Variants in TTC6 observed in about 807,000 individuals in gnomAD.
TTC6 encodes tetratricopeptide repeat domain 6, also known as tetratricopeptide repeat protein 6.
Under a neutral mutation model 210.4 loss-of-function variants are expected in TTC6, and 172 were observed. The ratio of observed to expected loss-of-function variants is 0.82; its 90% CI spans 0.72 to 0.93. The LOEUF (loss-of-function observed/expected upper bound fraction) is 0.93, where lower values mean the gene tolerates loss of function less well. Ranked by LOEUF, TTC6 falls within the 40% of genes least tolerant of loss-of-function variation. The probability of loss-of-function intolerance (pLI) is 0.00; values close to 1 mark genes in which losing one functional copy is unlikely to be tolerated. For missense variants in TTC6, 2,414 were observed against 2,318.1 expected (o/e 1.04, Z -0.85); for synonymous variants, 804 against 819.6 (o/e 0.98, Z 0.32).
At chr14:37,787,914 TGTGTGTG>T (rs2096071660) in intron 15 of TTC6, among the ~76,000 whole-genome samples, 1 of 151,576 alleles carries the variant, frequency 6.6e-6, no homozygotes, top group Admixed American at 6.6e-5. Context: ...TGTGTGTGTG[TGTGTGTG>T]TGTTAACTGT....
chr14:37,777,876 C>T (rs1202182995), intron 14 of TTC6, among the ~76,000 whole-genome samples: 1 of 150,020 alleles, frequency 6.7e-6, no homozygotes, highest in Non-Finnish European at 1.5e-5. Context: ...TGGAAGATTA[C>T]AGGGGCCTAA....
chr14:37,612,033 C>CT (rs1422234493), intron 2 of TTC6, among the ~76,000 whole-genome samples: 4 of 151,878 alleles, frequency 2.6e-5, no homozygotes, highest in African/African-American at 4.8e-5. Flanking sequence ...GAACAAATTG[C>CT]TTTTTTCATA....
intron 29 of TTC6, 38 bp downstream of exon 31, chr14:37,827,404 G>A (rs1303432501): frequency 1.3e-6 from 2 of 1,593,176 alleles, no homozygotes; most frequent in Non-Finnish European, 1.7e-6. Context: ...TTTTTGACCT[G>A]GAATGCTTTC....
intron 1 of TTC6, among the ~76,000 whole-genome samples, chr14:37,635,512 G>A (rs939085153): frequency 1.3e-5 from 2 of 152,140 alleles, no homozygotes; most frequent in Admixed American, 1.3e-4. Flanking sequence ...ATTGGCAGGT[G>A]GTTTAAAAAT....
chr14:37,713,751 C>T (rs143731793), intron 5 of TTC6, among the ~76,000 whole-genome samples: 2 of 152,132 alleles, frequency 1.3e-5, no homozygotes, highest in Non-Finnish European at 2.9e-5. Flanking sequence ...CTGAGTGGGT[C>T]TACTTCTTAA....
chr14:37,826,202 G>A (rs376624396), exon 28 of TTC6: 46 of 1,591,894 alleles, frequency 2.9e-5, no homozygotes, highest in Non-Finnish European at 3.8e-5. Flanking sequence ...TAGGCCCAAG[G>A]AAAATTCCAG....
At chr14:37,636,471 T>C (rs2095680958) in intron 1 of TTC6, among the ~76,000 whole-genome samples, 1 of 152,108 alleles carries the variant, frequency 6.6e-6, no homozygotes, top group African/African-American at 2.4e-5. Flanking sequence ...AAAATGATGA[T>C]AGGAAAATCC....
intron 6 of TTC6, among the ~76,000 whole-genome samples, chr14:37,724,424 C>T (rs2095867652): frequency 6.6e-6 from 1 of 152,142 alleles, no homozygotes; most frequent in Admixed American, 6.5e-5. Flanking sequence ...AGATCCATCT[C>T]TAGATCATAA....
chr14:37,693,623 AAAAC>A (rs1201235280), intron 3 of TTC6, among the ~76,000 whole-genome samples: 1 of 152,084 alleles, frequency 6.6e-6, no homozygotes, highest in Non-Finnish European at 1.5e-5. Context: ...ACGACAACAA[AAAAC>A]AAACCCCAAA....
intron 6 of TTC6, among the ~76,000 whole-genome samples, chr14:37,720,768 C>T (rs904589676): frequency 6.6e-6 from 1 of 152,062 alleles, no homozygotes; most frequent in African/African-American, 2.4e-5. Flanking sequence ...CATTATATAA[C>T]TTCCTCGAAA....
intron 26 of TTC6, among the ~76,000 whole-genome samples, chr14:37,818,637 C>T (rs1032292924): frequency 5.3e-5 from 8 of 151,964 alleles, no homozygotes; most frequent in Non-Finnish European, 4.4e-5. Flanking sequence ...GCTACATTCT[C>T]CTATGAAAGT....
exon 28 of TTC6, chr14:37,826,209 C>T: frequency 1.3e-6 from 2 of 1,593,740 alleles, no homozygotes; most frequent in Non-Finnish European, 8.5e-7. Flanking sequence ...AAGGAAAATT[C>T]CAGAAAGCTT....
intron 7 of TTC6, among the ~76,000 whole-genome samples, chr14:37,725,354 AT>A (rs2095870789): frequency 6.4e-5 from 8 of 125,070 alleles, no homozygotes; most frequent in African/African-American, 2.3e-4. Context: ...ATATATATAT[AT>A]ATAATTTTTT....
chr14:37,749,604 G>C lies in TTC6; in HGVS notation c.2827-110G>C, dbSNP rs1368271180. The C allele has an allele frequency of 4.8e-6, 5 of 1,035,532 alleles. No homozygotes were observed. The South Asian group carries it at 1.6e-4, about 33-fold the overall frequency. The allele number at this position is 1,035,532 out of a possible 1,614,324, so 64.1% of individuals were successfully genotyped here. A position where few individuals can be genotyped will look rare whatever the true frequency, so the allele number is the denominator to read the frequency against. ...GTCAGATTGGGAGGTTTTATTTTAT[G>C]TTACGTACATACAAAGCCACTGGGA... is the stretch of plus-strand genomic sequence containing the variant. On this transcript the variant is annotated intron_variant, in intron 11 of 30. Coordinates refer to ENST00000553443, the Ensembl canonical transcript of TTC6.
At chr14:37,840,554 T>A (rs1006712852) in intron 29 of TTC6, among the ~76,000 whole-genome samples, 12 of 151,888 alleles carry the variant, frequency 7.9e-5, no homozygotes, top group Non-Finnish European at 1.8e-4. Context: ...AAAAAAGAAA[T>A]TTTTAGGCCA....
exon 1 of TTC6, chr14:37,622,300 T>C (rs1595021651): frequency 6.5e-7 from 1 of 1,534,750 alleles, no homozygotes; most frequent in African/African-American, 1.4e-5. Flanking sequence ...TACCCTTCGC[T>C]TAAAGGCCCT....
chr14:37,762,074 T>C (rs778114874), intron 14 of TTC6, among the ~76,000 whole-genome samples: 1 of 152,220 alleles, frequency 6.6e-6, no homozygotes, highest in East Asian at 1.9e-4. Context: ...GAACATTTGG[T>C]ATTTTTCTCC....
At chr14:37,708,645 T>C (rs1449824267) in intron 5 of TTC6, among the ~76,000 whole-genome samples, 1 of 152,112 alleles carries the variant, frequency 6.6e-6, no homozygotes, top group Non-Finnish European at 1.5e-5. Flanking sequence ...TTTGACCTAA[T>C]CTAGGAAGAA....
chr14:37,723,097 T>C (rs73265363), intron 6 of TTC6, among the ~76,000 whole-genome samples: 29,403 of 152,118 alleles, frequency 0.19, 3,154 homozygotes, highest in South Asian at 0.26. Context: ...CTTTGGCCAT[T>C]GGGAACTCCT....
Sources: gnomAD v4.1 joint callset for allele counts (sites outside exome capture counted in the v4.1 genomes callset) on GRCh38, gnomAD v4.1.1 for gene constraint, MANE v1.5 for transcripts, NCBI Gene and HGNC (gene_info 2026-07-23, HGNC 2026-07-21) for gene names.